SYN3: variants seen among roughly 807,000 people sequenced by gnomAD.
SYN3 encodes synapsin III, also known as synapsin-3.
SYN3 carries 35 observed loss-of-function variants against 65.8 expected under a neutral mutation model. That is an observed-to-expected ratio of 0.53 (90% CI 0.41 to 0.70). The LOEUF (loss-of-function observed/expected upper bound fraction) is 0.70. SYN3 is among the 30% of genes least tolerant of loss of function. SYN3 has a pLI of 0.00. For synonymous variants in SYN3, 270 were observed against 292.9 expected (o/e 0.92, Z 0.80); for missense variants, 680 against 749.0 (o/e 0.91, Z 1.08).
chr22:32,991,051 G>C (rs568776304), intron 2 of SYN3, among the ~76,000 whole-genome samples: 1 of 151,998 alleles, frequency 6.6e-6, no homozygotes, highest in African/African-American at 2.4e-5. Context: ...TTATCTGGAC[G>C]TGGTGCCTGT....
intron 6 of SYN3, among the ~76,000 whole-genome samples, chr22:32,737,299 T>C (rs1722566754): frequency 6.6e-6 from 1 of 152,200 alleles, no homozygotes; most frequent in African/African-American, 2.4e-5. Context: ...TGAGCCATTC[T>C]TCTGGATCTT....
intron 3 of SYN3, among the ~76,000 whole-genome samples, chr22:32,938,396 G>A (rs1456764070): frequency 6.6e-6 from 1 of 151,938 alleles, no homozygotes; most frequent in Non-Finnish European, 1.5e-5. Flanking sequence ...CAGGCGTGGT[G>A]GCGGGTGTCT....
chr22:33,035,340 C>CCCCT (rs1556217457), intron 1 of SYN3, among the ~76,000 whole-genome samples: 1 of 107,386 alleles, frequency 9.3e-6, no homozygotes. Flanking sequence ...ACCCCCCCCC[C>CCCCT]CCCCGCCACC....
chr22:32,787,255 C>T (rs1313687148), intron 6 of SYN3, among the ~76,000 whole-genome samples: 1 of 152,028 alleles, frequency 6.6e-6, no homozygotes, highest in Non-Finnish European at 1.5e-5. Context: ...ACCATGTTGG[C>T]CAGGCTGGTC....
At chr22:32,885,824 G>T (rs148976959) in intron 4 of SYN3, among the ~76,000 whole-genome samples, 2,195 of 152,248 alleles carry the variant, frequency 0.014, 26 homozygotes, top group Middle Eastern at 0.031. Flanking sequence ...GCCTCCCAAA[G>T]TGCTGGGATT....
At chr22:32,560,309 G>T (rs1045679333) in intron 7 of SYN3, among the ~76,000 whole-genome samples, 1 of 152,304 alleles carries the variant, frequency 6.6e-6, no homozygotes. Context: ...TCTGCCTTAG[G>T]CCTCTTGGTC....
chr22:32,753,736 A>G (rs954457005), intron 6 of SYN3, among the ~76,000 whole-genome samples: 1 of 152,172 alleles, frequency 6.6e-6, no homozygotes, highest in Non-Finnish European at 1.5e-5. Context: ...TTTGGCCAAC[A>G]CAGACCAAGG....
intron 6 of SYN3, among the ~76,000 whole-genome samples, chr22:32,750,928 G>A (rs1378490613): frequency 1.3e-5 from 2 of 152,092 alleles, no homozygotes; most frequent in Non-Finnish European, 2.9e-5. Flanking sequence ...GGAACTGTGA[G>A]GGTGAAGGCC....
intron 6 of SYN3, among the ~76,000 whole-genome samples, chr22:32,810,482 TA>T (rs1018508391): frequency 3.7e-5 from 5 of 135,086 alleles, no homozygotes; most frequent in African/African-American, 1.4e-4. Flanking sequence ...GAGCCCAAGG[TA>T]AAGTTCAGTT....
intron 6 of SYN3, among the ~76,000 whole-genome samples, chr22:32,741,901 A>C (rs2147396888): frequency 6.6e-6 from 1 of 152,330 alleles, no homozygotes; most frequent in East Asian, 1.9e-4. Context: ...AAGATAAGGC[A>C]AAGAGGAAAT....
chr22:32,715,819 A>ACAAT (rs1159506870), intron 6 of SYN3, among the ~76,000 whole-genome samples: 6 of 151,464 alleles, frequency 4.0e-5, no homozygotes, highest in South Asian at 4.2e-4. Context: ...CATAGTCTGC[A>ACAAT]CAATTAGGAG....
At chr22:32,926,663 C>G (rs1315280230) in intron 4 of SYN3, among the ~76,000 whole-genome samples, 1 of 152,100 alleles carries the variant, frequency 6.6e-6, no homozygotes, top group Admixed American at 6.5e-5. Context: ...AGATGAATGT[C>G]TTGAATGGAA....
intron 6 of SYN3, among the ~76,000 whole-genome samples, chr22:32,819,220 C>G (rs1369647809): frequency 6.6e-6 from 1 of 152,242 alleles, no homozygotes; most frequent in East Asian, 1.9e-4. Flanking sequence ...CAGGCCGGTG[C>G]TGGGTTTCAC....
intron 6 of SYN3, among the ~76,000 whole-genome samples, chr22:32,733,795 G>A (rs1281168806): frequency 1.3e-5 from 2 of 152,182 alleles, no homozygotes; most frequent in Non-Finnish European, 2.9e-5. Context: ...GATGCTGACT[G>A]ATAAGAGCTG....
At chr22:32,862,758 G>C (rs528951412) in intron 6 of SYN3, 5 of 152,716 alleles carry the variant, frequency 3.3e-5, no homozygotes, top group South Asian at 2.1e-4. Flanking sequence ...TTTTGCTTTG[G>C]GGGTAGAGGC....
chr22:32,711,873 G>A (rs1213270724), intron 6 of SYN3, among the ~76,000 whole-genome samples: 1 of 152,222 alleles, frequency 6.6e-6, no homozygotes, highest in Non-Finnish European at 1.5e-5. Flanking sequence ...GCCAGGGGCA[G>A]GTGGAGAACG....
At chr22:32,876,792 C>A (rs999762793) in intron 4 of SYN3, among the ~76,000 whole-genome samples, 2 of 152,142 alleles carry the variant, frequency 1.3e-5, no homozygotes, top group African/African-American at 4.8e-5. Context: ...AATGACAGGC[C>A]TGGAAGGAGA....
chr22:32,978,409 T>G (rs1050485279), intron 3 of SYN3, among the ~76,000 whole-genome samples: 1 of 151,826 alleles, frequency 6.6e-6, no homozygotes, highest in African/African-American at 2.4e-5. Flanking sequence ...AGGAGTAGGG[T>G]GGGCGCAGGG....
chr22:33,014,220 C>A (rs4560230), intron 1 of SYN3, among the ~76,000 whole-genome samples: 35,349 of 152,078 alleles, frequency 0.23, 4,564 homozygotes, highest in African/African-American at 0.35. Flanking sequence ...CTAGCTTCCC[C>A]CTCCTTTTAA....
Sources: gnomAD v4.1 joint callset for allele counts (sites outside exome capture counted in the v4.1 genomes callset) on GRCh38, gnomAD v4.1.1 for gene constraint, MANE v1.5 for transcripts, NCBI Gene and HGNC (gene_info 2026-07-23, HGNC 2026-07-21) for gene names.